The following PLOD1 variants were observed in gnomAD, a reference collection of about 807,000 sequenced individuals.
PLOD1 encodes the protein lysine hydroxylase.
Under a neutral mutation model 94.7 loss-of-function variants are expected in PLOD1, and 70 were observed. The ratio of observed to expected loss-of-function variants is 0.74; its 90% confidence interval spans 0.61 to 0.90. The LOEUF is 0.90. Among genes scored for constraint, PLOD1 ranks in the 40% least tolerant of loss-of-function variants. The pLI is 0.00. For missense variants in PLOD1, 905 were observed against 972.7 expected (o/e 0.93, Z 0.93); for synonymous variants, 417 against 400.2 (o/e 1.04, Z -0.50).
rs1645747698 is a variant in PLOD1, at chr1:11,957,574, G to GT, written c.742-266dup. 6.6e-6 allele frequency among the ~76,000 whole-genome samples: 1 copy of GT among 152,220 alleles called. No individual in the cohort carries two copies. The highest frequency in any genetic ancestry group is 2.1e-4 in the South Asian group (1 of 4,838). ...AATTTGCTGATTTCACCCAGGATCT[G>GT]TTCAGATGGAATCTCTGAGCGGGGT... is the stretch of plus-strand genomic sequence containing the variant. On this transcript the variant is annotated intron_variant, in intron 7 of 18. Coordinates refer to ENST00000196061, the MANE Select transcript of PLOD1 (RefSeq NM_000302.4). The surrounding 1 kb of genome is among the most constrained non-coding windows in gnomAD (Gnocchi z 4.1).
At chr1:11,967,565 AT>A (rs1259361959) in intron 16 of PLOD1, among the ~76,000 whole-genome samples, 1,580 of 94,978 alleles carry the variant, frequency 0.017, 43 homozygotes, top group African/African-American at 0.061. Context: ...TTCAGGTACC[AT>A]TTTTTTTTTT....
At chr1:11,942,069 G>C (rs1204770470) in intron 1 of PLOD1, among the ~76,000 whole-genome samples, 2 of 150,572 alleles carry the variant, frequency 1.3e-5, no homozygotes, top group African/African-American at 2.5e-5. Context: ...TGCAACCTCT[G>C]CCTCCTGGGT....
intron 15 of PLOD1, chr1:11,966,562 G>C: frequency 1.8e-6 from 1 of 561,916 alleles, no homozygotes; most frequent in Non-Finnish European, 3.2e-6. Flanking sequence ...CTACCTGTTG[G>C]CACTTTCCTG....
rs555378784 is a variant in PLOD1 at position 11,953,747 on chromosome 1, G to A, written c.579+1012G>A. Among the ~76,000 whole-genome samples the A allele has an allele frequency of 2.6e-5, 4 of 151,708 alleles. No homozygotes were observed. The East Asian group carries it at 7.9e-4, about 30-fold the overall frequency. ...GCGGAGGTTGCAGTGAGCCGAGATT[G>A]TGCCATTGCACTGCAGCCTGGGTGA... On this transcript the variant is annotated intron_variant, in intron 5 of 18. Coordinates refer to ENST00000196061, the MANE Select transcript of PLOD1 (RefSeq NM_000302.4).
At chr1:11,962,280 T>TC (rs1363436555) in intron 10 of PLOD1, among the ~76,000 whole-genome samples, 8 of 126,708 alleles carry the variant, frequency 6.3e-5, no homozygotes, top group African/African-American at 3.2e-4. Context: ...TTTTCTTTTT[T>TC]TTTTTTTTTT....
In PLOD1 at chr1:11,964,254, T is replaced by G. The variant is rs773110071; in HGVS notation, c.1282T>G (p.Tyr428Asp). 1 of 1,612,674 alleles carries G rather than the reference T, an allele frequency of 6.2e-7. No individual in the cohort carries two copies. The highest frequency in any genetic ancestry group is 8.5e-7 in the Non-Finnish European group (1 of 1,179,626). ...GGGGGCTCTCAGTGCAGATGGCTAC[T>G]ATGCCCGTTCCGAGGACTACGTGGA... ...FWGALSADGY[Y>D]ARSEDYVDIV... Residue 428 changes from tyrosine (Y) to aspartate (D), a missense_variant, in exon 12 of 19, where the codon TAT becomes GAT. Transcript: ENST00000196061.
At chr1:11,935,508 T>C (rs1395169628) in intron 1 of PLOD1, among the ~76,000 whole-genome samples, 1 of 152,198 alleles carries the variant, frequency 6.6e-6, no homozygotes, top group African/African-American at 2.4e-5. Context: ...TTTTACTTAA[T>C]GTATTATTTA....
At chr1:11,941,703 C>G (rs1645616582) in intron 1 of PLOD1, among the ~76,000 whole-genome samples, 1 of 151,984 alleles carries the variant, frequency 6.6e-6, no homozygotes, top group Non-Finnish European at 1.5e-5. Context: ...AGGCTGGTCT[C>G]AAACTCCTGA....
chr1:11,967,615 A>AT (rs58447090), intron 16 of PLOD1, among the ~76,000 whole-genome samples: 19,544 of 98,322 alleles, frequency 0.2, 4,729 homozygotes, highest in African/African-American at 0.41. Context: ...ATATATATAT[A>AT]AAAAGAAATA....
chr1:11,951,487 AC>A (rs1645700987), intron 4 of PLOD1, among the ~76,000 whole-genome samples: 1 of 151,540 alleles, frequency 6.6e-6, no homozygotes, highest in African/African-American at 2.4e-5. Context: ...AATCTCTTGA[AC>A]CCAGGAGGTA....
At chr1:11,950,036 G>A (rs1442172065) in intron 3 of PLOD1, 130 bp downstream of exon 3, 5 of 972,494 alleles carry the variant, frequency 5.1e-6, no homozygotes, top group Middle Eastern at 2.9e-4. Context: ...GTTTTAGGGT[G>A]TCCATTCCCG....
At chr1:11,941,032 C>T (rs1008949630) in intron 1 of PLOD1, among the ~76,000 whole-genome samples, 1 of 152,216 alleles carries the variant, frequency 6.6e-6, no homozygotes, top group East Asian at 1.9e-4. Context: ...CCCATTTCAC[C>T]TAAAGGTTCT....
intron 1 of PLOD1, among the ~76,000 whole-genome samples, chr1:11,942,038 A>G (rs1187610781): frequency 6.8e-6 from 1 of 146,906 alleles, no homozygotes; most frequent in Non-Finnish European, 1.5e-5. Context: ...GCTGGAGTAC[A>G]GTGGCACAAC....
At chr1:11,944,160 G>A (rs1645633405) in intron 1 of PLOD1, among the ~76,000 whole-genome samples, 1 of 151,968 alleles carries the variant, frequency 6.6e-6, no homozygotes, top group Non-Finnish European at 1.5e-5. Flanking sequence ...TTGAACCCAG[G>A]AGATAGAGGT....
Position 11,962,812 on chromosome 1 carries a change from G to A in PLOD1, c.1098-720G>A, listed in dbSNP as rs144466470. Among the ~76,000 whole-genome samples the A allele has an allele frequency of 6.4e-3, 971 of 152,008 alleles. 12 individuals carry two copies. The highest frequency in any genetic ancestry group is 0.022 in the African/African-American group (918 of 41,466). The stretch of plus-strand genomic sequence containing the variant: ...TCCCAGCACTTTGGGAGGCCGAGGC[G>A]GGCAGATCACCTGAAGTCAGGAGTT... On this transcript the variant is annotated intron_variant, in intron 10 of 18. Coordinates refer to ENST00000196061, the MANE Select transcript of PLOD1 (RefSeq NM_000302.4).
intron 1 of PLOD1, chr1:11,944,532 C>T (rs1273267873): frequency 3.7e-6 from 5 of 1,346,570 alleles, no homozygotes; most frequent in Non-Finnish European, 4.0e-6. Context: ...CCCCCTGTTG[C>T]CAAGAGGGCC....
chr1:11,965,453 C>A (rs12749807), intron 13 of PLOD1, 27 bp from the exon 14 acceptor site: 1 of 1,398,788 alleles, frequency 7.1e-7, no homozygotes. Flanking sequence ...GGGGGAGCGC[C>A]TCTTCCACCG....
Position 11,957,355 on chromosome 1 carries a change from T to C in PLOD1, c.741+341T>C, listed in dbSNP as rs1645746206. Among the ~76,000 whole-genome samples, 1 of 152,192 alleles carries C rather than the reference T, an allele frequency of 6.6e-6. No individual in the cohort carries two copies. Among genetic ancestry groups the C allele is most frequent in the Admixed American group, 6.5e-5 (1 of 15,278 alleles). ...TTTATTTCATGTTTGCACCAGACAG[T>C]AAGACATAGTCATAAGCAGGACGGA... On this transcript the variant is annotated intron_variant, in intron 7 of 18. Coordinates refer to ENST00000196061, the MANE Select transcript of PLOD1 (RefSeq NM_000302.4). The surrounding 1 kb of genome is among the most constrained non-coding windows in gnomAD (Gnocchi z 4.1).
chr1:11,970,796 T>C lies in PLOD1; in HGVS notation c.1882T>C (p.Tyr628His). 1 of 1,606,806 alleles carries C rather than the reference T, an allele frequency of 6.2e-7. No individual in the cohort carries two copies. The highest frequency in any genetic ancestry group is 8.5e-7 in the Non-Finnish European group (1 of 1,178,224). ...CATTGCGCCCATGACGGAGAAGCTCTACCCCGGCTACTACACCAGGGTGGG... is the reference window on the plus strand; with the variant it reads ...CATTGCGCCCATGACGGAGAAGCTCCACCCCGGCTACTACACCAGGGTGGG... ...EYIAPMTEKLYPGYYTRAQFD... is the reference protein window; with the variant it reads ...EYIAPMTEKLHPGYYTRAQFD... Residue 628 changes from tyrosine to histidine, a missense_variant, in exon 17 of 19, where the codon TAC becomes CAC. Tyr to His is a moderately conservative substitution (Grantham distance 83). Transcript: ENST00000196061.
Sources: gnomAD v4.1 joint callset for allele counts (sites outside exome capture counted in the v4.1 genomes callset) on GRCh38, gnomAD v4.1.1 for gene constraint, Gnocchi (gnomAD v3.1) non-coding constraint, MANE v1.5 for transcripts, NCBI Gene and HGNC (gene_info 2026-07-23, HGNC 2026-07-21) for gene names.